DYSF: variants seen among roughly 807,000 people sequenced by gnomAD.
DYSF encodes dysferlin, also known as dystrophy-associated fer-1-like 1.
DYSF carries 212 observed loss-of-function variants against 274.9 expected under a neutral mutation model. The ratio of observed to expected loss-of-function variants is 0.77; its 90% confidence interval spans 0.69 to 0.86. The LOEUF (loss-of-function observed/expected upper bound fraction) is 0.86. Ranked by LOEUF, DYSF falls within the 40% of genes least tolerant of loss-of-function variation. The probability of loss-of-function intolerance (pLI) is 0.00; values close to 1 mark genes in which losing one functional copy is unlikely to be tolerated. For missense variants in DYSF, 2,666 were observed against 2,783.2 expected (o/e 0.96, Z 0.95); for synonymous variants, 1,091 against 1,078.7 (o/e 1.01, Z -0.22).
intron 43 of DYSF, among the ~76,000 whole-genome samples, chr2:71,656,679 G>T (rs1398976548): frequency 6.6e-6 from 1 of 152,166 alleles, no homozygotes; most frequent in Non-Finnish European, 1.5e-5. Flanking sequence ...GGCGGGAGGG[G>T]AAAGGCAGTT....
rs756606518 is a variant in DYSF, at chr2:71,513,838, C to G, written c.676C>G (p.Pro226Ala). The G allele has an allele frequency of 1.2e-6, 2 of 1,614,224 alleles. No homozygotes were observed. Among genetic ancestry groups the G allele is most frequent in the Admixed American group, 1.7e-5 (1 of 60,030 alleles). Residue 226 changes from proline (P) to alanine (A), a missense_variant, in exon 7 of 56, where the codon CCG becomes GCG. Pro to Ala is a conservative substitution (Grantham distance 27). This residue lies in a region of DYSF where 794 missense variants were observed against 777.1 expected (regional missense o/e 1.02). Coordinates refer to ENST00000410020, the MANE Select transcript of DYSF (RefSeq NM_001130987.2). ...TTPRKLPSRP[P>A]PHYPGIKRKR... ...CCCAAGGAAACTACCTTCACGTCCT[C>G]CGCCCCACTACCCCGGGATCAAAAG...
intron 51 of DYSF, 148 bp downstream of exon 51, chr2:71,669,894 C>G: frequency 9.8e-7 from 1 of 1,016,920 alleles, no homozygotes; most frequent in Non-Finnish European, 1.5e-6. Flanking sequence ...CACATGGCCA[C>G]CACCTCCACT....
chr2:71,640,865 A>C (rs1021415610), intron 41 of DYSF, among the ~76,000 whole-genome samples: 35 of 152,182 alleles, frequency 2.3e-4, no homozygotes, highest in African/African-American at 8.2e-4. Flanking sequence ...TGCAACACTC[A>C]TAGAATTTTC....
intron 14 of DYSF, among the ~76,000 whole-genome samples, chr2:71,532,830 T>TTCTACCTA (rs2088889592): frequency 6.8e-6 from 1 of 147,438 alleles, no homozygotes; most frequent in South Asian, 2.2e-4. Context: ...AGTACATTTA[T>TTCTACCTA]TCTATCTATC....
At chr2:71,598,805 G>A in intron 33 of DYSF, 60 bp downstream of exon 33, 2 of 1,591,548 alleles carry the variant, frequency 1.3e-6, no homozygotes, top group Non-Finnish European at 8.5e-7. Context: ...GCAAAGGTGG[G>A]GTCTCCAGGG....
chr2:71,678,002 T>C (rs896880044), intron 52 of DYSF, among the ~76,000 whole-genome samples: 3 of 152,222 alleles, frequency 2.0e-5, no homozygotes, highest in African/African-American at 7.2e-5. Context: ...ATATAACTTA[T>C]CTGAAATGCT....
rs1277119933 is a variant in DYSF, at chr2:71,669,693, AT to A, written c.5735del (p.Phe1912SerfsTer93). On this transcript the variant is annotated frameshift_variant, in exon 51 of 56. Transcript: ENST00000410020. LOFTEE classifies it high-confidence loss of function. ...GGEGNFNWRF[I>X]FPFDYLPAEQ... ...TGAAGGCAACTTCAACTGGAGGTTCATTTTCCCCTTCGACTACCTGCCAGCT... is the reference window on the plus strand; with the variant it reads ...TGAAGGCAACTTCAACTGGAGGTTCATTTCCCCTTCGACTACCTGCCAGCT... 6.2e-7 allele frequency: 1 copy of A among 1,614,164 alleles called. No homozygotes were observed. Among genetic ancestry groups the A allele is most frequent in the East Asian group, 2.2e-5 (1 of 44,874 alleles).
intron 44 of DYSF, among the ~76,000 whole-genome samples, chr2:71,660,342 C>T (rs1291471808): frequency 6.6e-6 from 1 of 152,202 alleles, no homozygotes; most frequent in Non-Finnish European, 1.5e-5. Context: ...GACTCAGGTG[C>T]CCCATTCCCA....
chr2:71,459,713 C>T lies in DYSF; in HGVS notation c.88+5627C>T, dbSNP rs1390865542. 2.0e-5 allele frequency among the ~76,000 whole-genome samples: 3 copies of T among 152,186 alleles called. No homozygotes were observed. The East Asian group carries it at 5.8e-4, about 29-fold the overall frequency. On this transcript the variant is annotated intron_variant, in intron 1 of 54. Coordinates refer to the DYSF transcript ENST00000258104. ...ATGTGTCCCAGAGAACACCAGTGAC[C>T]GCTTCTGAGACACAGTATTTCATTC... is the stretch of plus-strand genomic sequence containing the variant.
intron 23 of DYSF, among the ~76,000 whole-genome samples, chr2:71,563,709 C>G (rs1345068211): frequency 6.6e-6 from 1 of 152,142 alleles, no homozygotes; most frequent in Non-Finnish European, 1.5e-5. Flanking sequence ...GATGTTTGCC[C>G]CCTGGGAATG....
intron 6 of DYSF, 140 bp downstream of exon 6, chr2:71,513,472 C>T: frequency 3.2e-6 from 3 of 949,964 alleles, no homozygotes; most frequent in Non-Finnish European, 4.8e-6. Context: ...GGGCTAGGGC[C>T]ATTCTGTTTT....
chr2:71,597,294 G>A (rs947484163), intron 32 of DYSF, among the ~76,000 whole-genome samples: 1 of 152,200 alleles, frequency 6.6e-6, no homozygotes, highest in Non-Finnish European at 1.5e-5. Flanking sequence ...TTGCAGGATG[G>A]AGTAGGGTGC....
intron 9 of DYSF, among the ~76,000 whole-genome samples, chr2:71,516,526 G>T (rs2086677050): frequency 6.6e-6 from 1 of 152,262 alleles, no homozygotes; most frequent in African/African-American, 2.4e-5. Context: ...AGAGCCCACT[G>T]CTCAGCATCC....
intron 3 of DYSF, among the ~76,000 whole-genome samples, chr2:71,491,516 C>T (rs558145962): frequency 6.6e-6 from 1 of 152,346 alleles, no homozygotes; most frequent in Non-Finnish European, 1.5e-5. Context: ...CTCACCCAGG[C>T]ATTAAGCCTA....
chr2:71,560,437 C>A (rs1055508746), intron 22 of DYSF, among the ~76,000 whole-genome samples: 2 of 152,104 alleles, frequency 1.3e-5, no homozygotes, highest in South Asian at 2.1e-4. Flanking sequence ...CGCTACCCAC[C>A]GAGCATGCCC....
chr2:71,624,120 C>T (rs1220673668), intron 41 of DYSF, among the ~76,000 whole-genome samples: 1 of 152,164 alleles, frequency 6.6e-6, no homozygotes, highest in East Asian at 1.9e-4. Flanking sequence ...TTCATAGATA[C>T]AATGCCCTTC....
At chr2:71,536,424 G>A (rs921812242) in intron 16 of DYSF, among the ~76,000 whole-genome samples, 12 of 152,246 alleles carry the variant, frequency 7.9e-5, no homozygotes, top group African/African-American at 2.4e-4. Context: ...CAAGGGCAGC[G>A]ACCACGGGTA....
chr2:71,570,587 C>G lies in DYSF; in HGVS notation c.3086-12C>G. Reference sequence around the variant, plus strand: ...CTGCCAAGCAATGAGTGACCGGTTCCCCCTCCCCCAGGCTGGGAGTATAGC... The same window carrying G: ...CTGCCAAGCAATGAGTGACCGGTTCGCCCTCCCCCAGGCTGGGAGTATAGC... On this transcript the variant is annotated splice_polypyrimidine_tract_variant and intron_variant, in intron 28 of 55. Coordinates refer to ENST00000410020, the MANE Select transcript of DYSF (RefSeq NM_001130987.2). 1 of 1,613,162 alleles carries G rather than the reference C, an allele frequency of 6.2e-7. No homozygotes were observed. Among genetic ancestry groups the G allele is most frequent in the Non-Finnish European group, 8.5e-7 (1 of 1,179,662 alleles).
Position 71,564,223 on chromosome 2 carries a change from C to T in DYSF, c.2565+10C>T. 1 of 1,614,238 alleles carries T rather than the reference C, an allele frequency of 6.2e-7. No individual in the cohort carries two copies. The highest frequency in any genetic ancestry group is 8.5e-7 in the Non-Finnish European group (1 of 1,180,040). On this transcript the variant is annotated intron_variant, in intron 24 of 55. Coordinates refer to ENST00000410020, the MANE Select transcript of DYSF (RefSeq NM_001130987.2). ...GACAATCTTTCTGAAAGTGAGTTTT[C>T]TTTTTTCCCAAGTCATGATCGTATT...
Sources: allele counts gnomAD v4.1 joint callset (sites outside exome capture counted in the v4.1 genomes callset), GRCh38; gene constraint gnomAD v4.1.1; regional missense constraint gnomAD v4.1.1; transcripts MANE v1.5; gene names NCBI Gene and HGNC (gene_info 2026-07-23, HGNC 2026-07-21).